OTUD7A: variants seen among roughly 807,000 people sequenced by gnomAD.
OTUD7A encodes OTU deubiquitinase 7A.
OTUD7A carries 12 observed loss-of-function variants against 65.7 expected under a neutral mutation model. The observed-to-expected ratio is 0.18, with a 90% confidence interval of 0.12 to 0.30. The LOEUF (loss-of-function observed/expected upper bound fraction) is 0.30. Ranked by LOEUF, OTUD7A falls within the 10% of genes least tolerant of loss-of-function variation. The probability of loss-of-function intolerance (pLI) is 1.00; values close to 1 mark genes in which losing one functional copy is unlikely to be tolerated. For missense variants in OTUD7A, 1,148 were observed against 1,304.8 expected, an observed-to-expected ratio of 0.88 and a Z score of 1.85; for synonymous variants, 641 against 586.3, an observed-to-expected ratio of 1.09 and a Z score of -1.35.
intron 1 of OTUD7A, chr15:31,766,856 G>C: frequency 6.2e-7 from 1 of 1,611,212 alleles, no homozygotes; most frequent in Non-Finnish European, 8.5e-7. Context: ...GGAAAAGATT[G>C]ATGGAAGACA....
chr15:31,811,246 CA>C (rs1896406535), intron 1 of OTUD7A, among the ~76,000 whole-genome samples: 1 of 151,966 alleles, frequency 6.6e-6, no homozygotes, highest in African/African-American at 2.4e-5. Flanking sequence ...AAGAGGTAGA[CA>C]GAGGGAGAGA....
At chr15:31,735,078 C>A (rs954937106) in intron 1 of OTUD7A, among the ~76,000 whole-genome samples, 1 of 152,020 alleles carries the variant, frequency 6.6e-6, no homozygotes, top group Non-Finnish European at 1.5e-5. Context: ...AAAAAGTGGG[C>A]AAAGGACATG....
intron 3 of OTUD7A, among the ~76,000 whole-genome samples, chr15:31,610,601 ATATATATATATATATATTTTTT>A (rs1436232527): frequency 5.3e-5 from 2 of 37,802 alleles, no homozygotes; most frequent in African/African-American, 2.2e-4. Context: ...AATTATATAT[ATATATATATATATATATTTTTT>A]TTTTTTTTTT....
chr15:31,789,121 T>G (rs1475855508), intron 1 of OTUD7A, among the ~76,000 whole-genome samples: 1 of 152,148 alleles, frequency 6.6e-6, no homozygotes, highest in Admixed American at 6.5e-5. Flanking sequence ...TGAGGGGAGA[T>G]ATACCATTGT....
intron 1 of OTUD7A, among the ~76,000 whole-genome samples, chr15:31,741,953 A>G (rs1220255641): frequency 2.0e-5 from 3 of 152,136 alleles, no homozygotes; most frequent in Non-Finnish European, 2.9e-5. Flanking sequence ...ATGCAAATAA[A>G]TTGGCAAATA....
At chr15:31,562,746 G>C (rs11856610) in intron 4 of OTUD7A, among the ~76,000 whole-genome samples, 24,964 of 152,092 alleles carry the variant, frequency 0.16, 2,291 homozygotes, top group East Asian at 0.24. Context: ...AGGCTTTGTG[G>C]GCCATGCAGT....
intron 1 of OTUD7A, among the ~76,000 whole-genome samples, chr15:31,777,220 G>A (rs930837591): frequency 3.3e-5 from 5 of 152,120 alleles, no homozygotes; most frequent in Non-Finnish European, 5.9e-5. Context: ...CTTTTGGCAA[G>A]GGGTCTCTCT....
intron 1 of OTUD7A, among the ~76,000 whole-genome samples, chr15:31,717,520 T>C (rs1035160759): frequency 7.9e-5 from 12 of 152,224 alleles, no homozygotes; most frequent in East Asian, 3.8e-4. Flanking sequence ...GTTAGTTTGC[T>C]GAAAATGATG....
At chr15:31,576,237 G>A (rs1889199345) in intron 3 of OTUD7A, among the ~76,000 whole-genome samples, 1 of 152,168 alleles carries the variant, frequency 6.6e-6, no homozygotes, top group Non-Finnish European at 1.5e-5. Context: ...CCCTGGCAAT[G>A]TAAATTGATA....
intron 8 of OTUD7A, among the ~76,000 whole-genome samples, chr15:31,512,557 G>T (rs1464806311): frequency 6.6e-6 from 1 of 152,162 alleles, no homozygotes; most frequent in African/African-American, 2.4e-5. Context: ...ATAACCTGAC[G>T]TGTCCACCTT....
rs577619442 is a variant in OTUD7A at position 31,534,783 on chromosome 15, C to T, written c.551-3975G>A. ...CTGCACAGGATTGGTTCTGGGACCC[C>T]GCCGACATACACCCAAATCTGTGTA... On this transcript the variant is annotated intron_variant, in intron 5 of 12. Transcript: ENST00000307050. 9.2e-5 allele frequency among the ~76,000 whole-genome samples: 14 copies of T among 152,260 alleles called. 1 individual carries two copies. The South Asian group carries it at 1.9e-3, about 20-fold the overall frequency.
intron 3 of OTUD7A, among the ~76,000 whole-genome samples, chr15:31,588,167 T>C (rs2141193607): frequency 6.6e-6 from 1 of 152,300 alleles, no homozygotes; most frequent in South Asian, 2.1e-4. Context: ...ATTTGGTTTA[T>C]TCAAACAATG....
At chr15:31,587,125 G>A (rs59516491) in intron 3 of OTUD7A, among the ~76,000 whole-genome samples, 8,938 of 152,102 alleles carry the variant, frequency 0.059, 491 homozygotes, top group East Asian at 0.3. Flanking sequence ...GCTTGACTCT[G>A]TTCTTACCCT....
chr15:31,803,497 G>A (rs1896188565), intron 1 of OTUD7A, among the ~76,000 whole-genome samples: 1 of 152,164 alleles, frequency 6.6e-6, no homozygotes, highest in South Asian at 2.1e-4. Context: ...GTCCAGGAAG[G>A]CTCAGGGGTG....
chr15:31,636,518 A>G (rs1015054441), intron 3 of OTUD7A, among the ~76,000 whole-genome samples: 3 of 152,186 alleles, frequency 2.0e-5, no homozygotes, highest in Admixed American at 1.3e-4. Context: ...TTAGGCTATT[A>G]ACAACCCTAA....
intron 1 of OTUD7A, among the ~76,000 whole-genome samples, chr15:31,802,141 G>GTGTGTGTGTA (rs553698632): frequency 8.2e-4 from 117 of 142,576 alleles, no homozygotes; most frequent in Middle Eastern, 3.5e-3. Flanking sequence ...GTGTGTGTGT[G>GTGTGTGTGTA]TATATATATA....
intron 1 of OTUD7A, among the ~76,000 whole-genome samples, chr15:31,708,108 C>T (rs1260160483): frequency 2.4e-4 from 36 of 151,762 alleles, no homozygotes; most frequent in Admixed American, 2.3e-3. Flanking sequence ...GGACAGCTGA[C>T]AGCCTGTGAA....
At chr15:31,494,256 G>C (rs1566882883) in intron 10 of OTUD7A, among the ~76,000 whole-genome samples, 1 of 152,200 alleles carries the variant, frequency 6.6e-6, no homozygotes, top group Non-Finnish European at 1.5e-5. Flanking sequence ...AAGGCATGAG[G>C]ATGGAGTCCT....
At chr15:31,632,407 CCTGTAGAACAGCGGTGG>C (rs1891196920) in intron 3 of OTUD7A, among the ~76,000 whole-genome samples, 2 of 152,276 alleles carry the variant, frequency 1.3e-5, no homozygotes, top group African/African-American at 2.4e-5. Flanking sequence ...AACAGCGGTG[CCTGTAGAACAGCGGTGG>C]CTGTAGAACA....
Sources: allele counts gnomAD v4.1 joint callset (sites outside exome capture counted in the v4.1 genomes callset), GRCh38; gene constraint gnomAD v4.1.1; transcripts MANE v1.5; gene names NCBI Gene and HGNC (gene_info 2026-07-23, HGNC 2026-07-21).